Variants in PRELID2 observed in about 807,000 individuals in gnomAD.
The protein encoded by PRELID2 is PRELI domain containing 2.
Under a neutral mutation model 28.4 loss-of-function variants are expected in PRELID2, and 25 were observed. The observed-to-expected ratio is 0.88, with a 90% CI of 0.64 to 1.23. The LOEUF is 1.23. PRELID2 is among the 50% of genes most tolerant of loss of function. The pLI, the probability that PRELID2 is intolerant of heterozygous loss-of-function variation, is 0.00. For missense variants in PRELID2, 201 were observed against 214.4 expected (o/e 0.94, Z 0.39); for synonymous variants, 76 against 71.6 (o/e 1.06, Z -0.31).
intron 1 of PRELID2, among the ~76,000 whole-genome samples, chr5:145,740,590 TA>T (rs1400766386): frequency 4.4e-4 from 1 of 2,272 alleles, no homozygotes; most frequent in African/African-American, 1.4e-3. Context: ...ATTATATATA[TA>T]AATATATATA....
the PRELID2 span, among the ~76,000 whole-genome samples, chr5:145,456,010 C>A: frequency 9.9e-5 from 15 of 152,206 alleles, no homozygotes; most frequent in Non-Finnish European, 2.1e-4. Flanking sequence ...ACCTCTCCAA[C>A]TGCACTTAAG....
intron 1 of PRELID2, among the ~76,000 whole-genome samples, chr5:145,542,602 G>A (rs1339846019): frequency 6.6e-6 from 1 of 152,110 alleles, no homozygotes; most frequent in East Asian, 1.9e-4. Flanking sequence ...AGGATCATAT[G>A]AGGAATGAAA....
chr5:145,791,997 G>A (rs370454601), intron 5 of PRELID2, among the ~76,000 whole-genome samples: 5 of 152,122 alleles, frequency 3.3e-5, no homozygotes, highest in Admixed American at 6.6e-5. Flanking sequence ...CTCATAGGCC[G>A]TTTCAAGTAG....
chr5:145,817,202 A>ATAT (rs1561643627), intron 4 of PRELID2, among the ~76,000 whole-genome samples: 9 of 51,392 alleles, frequency 1.8e-4, no homozygotes, highest in Non-Finnish European at 3.8e-4. Flanking sequence ...AAAAAAAATA[A>ATAT]ATAAATAAAT....
intron 1 of PRELID2, among the ~76,000 whole-genome samples, chr5:145,690,747 A>C (rs533090393): frequency 1.3e-5 from 2 of 152,264 alleles, no homozygotes; most frequent in African/African-American, 4.8e-5. Flanking sequence ...ATGCAGTCCA[A>C]AAAGATATAG....
the PRELID2 span, among the ~76,000 whole-genome samples, chr5:145,344,517 C>A: frequency 2.2e-4 from 33 of 152,090 alleles, 1 homozygote; most frequent in South Asian, 2.3e-3. Context: ...ATATTATAAA[C>A]CATGCTTTAG....
In PRELID2 at chr5:145,592,186, G is replaced by A. The variant is rs112862767; in HGVS notation, n.71-118871C>T. Among the ~76,000 whole-genome samples, 363 of 152,270 alleles carry A rather than the reference G, an allele frequency of 2.4e-3. 1 individual carries two copies. Among genetic ancestry groups the A allele is most frequent in the Non-Finnish European group, 3.7e-3 (254 of 68,004 alleles). On this transcript the variant is annotated intron_variant and non_coding_transcript_variant, in intron 1 of 2. Coordinates refer to the PRELID2 transcript ENST00000510259. Reference sequence around the variant, plus strand: ...AATCCCACCACTTTGGGAGGCTGAGGAGGGTGGATCACAAGGTCAGGAGTT... The same window carrying A: ...AATCCCACCACTTTGGGAGGCTGAGAAGGGTGGATCACAAGGTCAGGAGTT...
intron 1 of PRELID2, among the ~76,000 whole-genome samples, chr5:145,626,573 G>A (rs1003004560): frequency 8.6e-5 from 13 of 151,996 alleles, no homozygotes; most frequent in African/African-American, 2.9e-4. Context: ...ACTCTTGGTG[G>A]GAATGTCAGT....
the PRELID2 span, chr5:145,437,251 T>C: frequency 6.6e-6 from 1 of 152,212 alleles, no homozygotes; most frequent in Non-Finnish European, 1.5e-5. Flanking sequence ...GGTTGTCATC[T>C]GCTGTTTGTA....
chr5:145,705,939 TACACACACAC>T lies in PRELID2; in HGVS notation n.70+58982_70+58991del, dbSNP rs61283424. 8.3e-3 allele frequency among the ~76,000 whole-genome samples: 1,213 copies of T among 145,600 alleles called. 7 individuals carry two copies. The highest frequency in any genetic ancestry group is 0.028 in the African/African-American group (1,106 of 39,596). On this transcript the variant is annotated intron_variant and non_coding_transcript_variant, in intron 1 of 2. Transcript: ENST00000510259. ...CACCACCCATGCACACATGTGCGCC[TACACACACAC>T]ACACACACACACACACACACACTCC...
the PRELID2 span, among the ~76,000 whole-genome samples, chr5:145,464,048 A>G: frequency 6.6e-6 from 1 of 152,278 alleles, no homozygotes; most frequent in East Asian, 1.9e-4. Context: ...GGCAAAGTCA[A>G]GTACCCCAAT....
At chr5:145,357,328 T>C in the PRELID2 span, among the ~76,000 whole-genome samples, 9 of 152,234 alleles carry the variant, frequency 5.9e-5, no homozygotes, top group African/African-American at 1.9e-4. Context: ...TCCTGAAATA[T>C]GTTTTCCAAT....
chr5:145,378,158 G>C, the PRELID2 span, among the ~76,000 whole-genome samples: 230 of 152,298 alleles, frequency 1.5e-3, 3 homozygotes, highest in East Asian at 0.038. Context: ...GTGGTCTGCT[G>C]TTAGTCTGAT....
chr5:145,655,541 A>C (rs1044418002), intron 1 of PRELID2, among the ~76,000 whole-genome samples: 1 of 152,154 alleles, frequency 6.6e-6, no homozygotes, highest in African/African-American at 2.4e-5. Flanking sequence ...GGTACTGGTA[A>C]CAAAACAGAG....
At chr5:145,327,343 T>G in the PRELID2 span, among the ~76,000 whole-genome samples, 2 of 152,270 alleles carry the variant, frequency 1.3e-5, no homozygotes, top group South Asian at 4.1e-4. Context: ...ATCAGCTTGA[T>G]GAATTGACCA....
At chr5:145,613,984 T>C (rs1187432195) in intron 1 of PRELID2, among the ~76,000 whole-genome samples, 2 of 152,180 alleles carry the variant, frequency 1.3e-5, no homozygotes, top group East Asian at 3.9e-4. Context: ...CCATCTTGAG[T>C]TGATTTTTGT....
chr5:145,321,225 C>A, the PRELID2 span, among the ~76,000 whole-genome samples: 8 of 152,092 alleles, frequency 5.3e-5, no homozygotes, highest in African/African-American at 1.7e-4. Flanking sequence ...TTAAGAAAAC[C>A]ATTCAAAGCC....
At chr5:145,610,067 A>G (rs1417349853) in intron 1 of PRELID2, among the ~76,000 whole-genome samples, 2 of 152,218 alleles carry the variant, frequency 1.3e-5, no homozygotes, top group Admixed American at 6.5e-5. Context: ...ATGCCCAGGT[A>G]GCTCTCTGCC....
intron 1 of PRELID2, among the ~76,000 whole-genome samples, chr5:145,618,568 C>A (rs1753731949): frequency 6.6e-6 from 1 of 152,156 alleles, no homozygotes. Flanking sequence ...ATACCAGCAC[C>A]TGTTCCAGTG....
Sources: gnomAD v4.1 joint callset for allele counts (sites outside exome capture counted in the v4.1 genomes callset) on GRCh38, gnomAD v4.1.1 for gene constraint, MANE v1.5 for transcripts, NCBI Gene and HGNC (gene_info 2026-07-23, HGNC 2026-07-21) for gene names.